Variants in ACOXL observed in about 807,000 individuals in gnomAD.
ACOXL encodes acyl-CoA oxidase like.
In ACOXL, 70 loss-of-function variants were observed where a neutral mutation model predicts 71.9. That is an observed-to-expected ratio of 0.97 (90% confidence interval 0.80 to 1.19). The LOEUF (loss-of-function observed/expected upper bound fraction) is 1.19. Ranked by LOEUF, ACOXL falls within the 50% of genes most tolerant of loss-of-function variation. The pLI is 0.00. For synonymous variants in ACOXL, 253 were observed against 281.6 expected, an observed-to-expected ratio of 0.90 and a Z score of 1.02; for missense variants, 703 against 736.3, an observed-to-expected ratio of 0.95 and a Z score of 0.52.
At chr2:110,935,343 C>T (rs1258420908) in intron 12 of ACOXL, among the ~76,000 whole-genome samples, 1 of 152,178 alleles carries the variant, frequency 6.6e-6, no homozygotes, top group Non-Finnish European at 1.5e-5. Flanking sequence ...CCTTCATAGC[C>T]TCCCTGCACA....
Position 110,760,030 on chromosome 2 carries a change from ATTTCT to A in ACOXL, c.-22-8334_-22-8330del, listed in dbSNP as rs764632651. Among the ~76,000 whole-genome samples, 155 of 149,468 alleles carry A rather than the reference ATTTCT, an allele frequency of 1.0e-3. 1 individual carries two copies. Among genetic ancestry groups the A allele is most frequent in the Middle Eastern group, 3.4e-3 (1 of 294 alleles). ...TAATGTATCTGTATAAAAGCTATTG[ATTTCT>A]TTTATTGTGTATCCTGCTAACTCTT... On this transcript the variant is annotated intron_variant, in intron 1 of 17. Transcript: ENST00000439055.
chr2:110,984,240 TTAAA>T (rs2062835430), intron 12 of ACOXL, among the ~76,000 whole-genome samples: 2 of 152,140 alleles, frequency 1.3e-5, no homozygotes, highest in African/African-American at 4.8e-5. Flanking sequence ...ACGATTATTT[TTAAA>T]TAGAGTTAAA....
chr2:110,996,095 G>A, intron 14 of ACOXL, 91 bp downstream of exon 14: 2 of 1,095,940 alleles, frequency 1.8e-6, no homozygotes, highest in Non-Finnish European at 2.8e-6. Context: ...AGTAGAGGAT[G>A]AGTCAGCCTA....
At chr2:110,743,324 G>A (rs1677775954) in intron 1 of ACOXL, among the ~76,000 whole-genome samples, 1 of 152,208 alleles carries the variant, frequency 6.6e-6, no homozygotes, top group African/African-American at 2.4e-5. Context: ...AAAAACACAG[G>A]TGAAGTCTCT....
chr2:110,738,283 A>G (rs1379107438), intron 1 of ACOXL, among the ~76,000 whole-genome samples: 1 of 152,222 alleles, frequency 6.6e-6, no homozygotes, highest in Admixed American at 6.5e-5. Context: ...TCCACATTCC[A>G]TGGAATAATA....
At chr2:111,003,836 G>GACC (rs1473315775) in intron 14 of ACOXL, among the ~76,000 whole-genome samples, 2 of 152,138 alleles carry the variant, frequency 1.3e-5, no homozygotes, top group Non-Finnish European at 2.9e-5. Context: ...GGAAGGGGAA[G>GACC]ACCACAAAGA....
At chr2:111,004,413 C>G (rs750933005) in intron 14 of ACOXL, among the ~76,000 whole-genome samples, 42 of 152,274 alleles carry the variant, frequency 2.8e-4, no homozygotes, top group Admixed American at 4.6e-4. Flanking sequence ...GTCGAGAAGA[C>G]CATTGAGTTC....
chr2:110,981,661 G>T (rs936672951), intron 12 of ACOXL, among the ~76,000 whole-genome samples: 26 of 152,300 alleles, frequency 1.7e-4, no homozygotes, highest in African/African-American at 6.0e-4. Flanking sequence ...CGTTCTTTAA[G>T]GCTTAGGTCA....
chr2:110,992,988 C>T (rs1243999099), intron 13 of ACOXL, among the ~76,000 whole-genome samples: 1 of 152,170 alleles, frequency 6.6e-6, no homozygotes, highest in Non-Finnish European at 1.5e-5. Flanking sequence ...ATTACTGTAC[C>T]TGCTATATCA....
chr2:111,044,290 AG>A (rs1225605857), intron 15 of ACOXL, among the ~76,000 whole-genome samples: 1 of 152,196 alleles, frequency 6.6e-6, no homozygotes, highest in Admixed American at 6.5e-5. Context: ...ATGGGTCTAG[AG>A]TGGACACGGC....
rs1683743228 is a variant in ACOXL, at chr2:110,784,732, G to T, written c.76G>T (p.Ala26Ser). Residue 26 changes from alanine to serine, a missense_variant and splice_region_variant, in exon 3 of 18, where the codon GCA becomes TCA. Coordinates refer to ENST00000439055, the MANE Select transcript of ACOXL (RefSeq NM_001142807.4). ...PLLKRAGQDL[A>S]EKTKNFVSRS... ...GATACTGAGTCTATCATATTTTCAG[G>T]CAGAGAAAACAAAGAATTTTGTCAG... is the stretch of plus-strand genomic sequence containing the variant. 1 of 1,597,534 alleles carries T rather than the reference G, an allele frequency of 6.3e-7. No individual in the cohort carries two copies. The highest frequency in any genetic ancestry group is 8.5e-7 in the Non-Finnish European group (1 of 1,173,432).
chr2:110,755,733 A>G (rs1055806883), intron 1 of ACOXL, among the ~76,000 whole-genome samples: 1 of 152,238 alleles, frequency 6.6e-6, no homozygotes, highest in African/African-American at 2.4e-5. Flanking sequence ...TAACTATGCA[A>G]TTTAAAATAA....
chr2:110,890,871 G>A (rs988777518), intron 10 of ACOXL, among the ~76,000 whole-genome samples: 31 of 152,072 alleles, frequency 2.0e-4, no homozygotes, highest in Admixed American at 2.6e-4. Context: ...TTCTGATGGA[G>A]ATTACATTGA....
chr2:111,086,588 G>A (rs1285861460), intron 16 of ACOXL, among the ~76,000 whole-genome samples: 3 of 152,074 alleles, frequency 2.0e-5, no homozygotes, highest in Non-Finnish European at 2.9e-5. Context: ...GTTTATTGGG[G>A]GTTTTTAACA....
Position 111,117,667 on chromosome 2 carries a change from A to G in ACOXL, c.1594A>G (p.Thr532Ala), listed in dbSNP as rs1326230940. 3.9e-6 allele frequency: 6 copies of G among 1,551,676 alleles called. No individual in the cohort carries two copies. In the Admixed American group the frequency reaches 1.2e-4, roughly 30 times the overall value. Residue 532 changes from threonine to alanine, a missense_variant, in exon 18 of 18, where the codon ACC (threonine) becomes GCC (alanine). Coordinates refer to ENST00000439055, the MANE Select transcript of ACOXL (RefSeq NM_001142807.4). ...VKDDARRVIS[T>A]FNIPHTYLHA... ...GGATGATGCCCGGAGGGTGATCTCG[A>G]CCTTTAACATTCCACACACCTACCT...
chr2:110,838,039 G>A (rs1690666834), intron 9 of ACOXL, among the ~76,000 whole-genome samples: 2 of 152,196 alleles, frequency 1.3e-5, no homozygotes, highest in South Asian at 2.1e-4. Context: ...TTGTCTAAGG[G>A]GCTCCATGAG....
chr2:110,895,018 A>G (rs1043565998), intron 10 of ACOXL, among the ~76,000 whole-genome samples: 7 of 152,224 alleles, frequency 4.6e-5, no homozygotes, highest in Non-Finnish European at 1.0e-4. Flanking sequence ...ATCACTCACT[A>G]TATCAAGAAT....
intron 10 of ACOXL, among the ~76,000 whole-genome samples, chr2:110,850,709 A>G (rs1001389514): frequency 2.0e-5 from 3 of 152,204 alleles, no homozygotes; most frequent in Non-Finnish European, 2.9e-5. Context: ...ACTCTGATAC[A>G]TTGCTGGTGG....
chr2:110,767,813 C>A (rs1234198987), intron 1 of ACOXL, among the ~76,000 whole-genome samples: 1 of 152,070 alleles, frequency 6.6e-6, no homozygotes, highest in Non-Finnish European at 1.5e-5. Context: ...TGGCCGGGCG[C>A]GGTGGCTCAC....
Sources: allele counts gnomAD v4.1 joint callset (sites outside exome capture counted in the v4.1 genomes callset), GRCh38; gene constraint gnomAD v4.1.1; transcripts MANE v1.5; gene names NCBI Gene and HGNC (gene_info 2026-07-23, HGNC 2026-07-21).